BANP: variants seen among roughly 807,000 people sequenced by gnomAD.
BANP encodes the protein protein BANP.
In BANP, 11 loss-of-function variants were observed where a neutral mutation model predicts 68.1. The ratio of observed to expected loss-of-function variants is 0.16; its 90% CI spans 0.10 to 0.27. The LOEUF (loss-of-function observed/expected upper bound fraction) is 0.27, where lower values mean the gene tolerates loss of function less well. Ranked by LOEUF, BANP falls within the 10% of genes least tolerant of loss-of-function variation. BANP has a pLI of 1.00. For missense variants in BANP, 504 were observed against 722.7 expected, an observed-to-expected ratio of 0.70 and a Z score of 3.47; for synonymous variants, 329 against 303.2, an observed-to-expected ratio of 1.09 and a Z score of -0.88.
chr16:87,951,182 C>A (rs1165114382), upstream of BANP, among the ~76,000 whole-genome samples: 1 of 152,222 alleles, frequency 6.6e-6, no homozygotes, highest in Non-Finnish European at 1.5e-5. Flanking sequence ...TTCCTCAGAC[C>A]GTCCACTGAG....
intron 11 of BANP, among the ~76,000 whole-genome samples, chr16:88,046,666 C>G (rs1305618742): frequency 6.6e-6 from 1 of 152,044 alleles, no homozygotes; most frequent in African/African-American, 2.4e-5. Context: ...CTGCCTCAGC[C>G]TCCTGAGTCG....
At chr16:88,041,822 C>A (rs1176360090) in intron 11 of BANP, among the ~76,000 whole-genome samples, 1 of 152,248 alleles carries the variant, frequency 6.6e-6, no homozygotes, top group Admixed American at 6.5e-5. Flanking sequence ...AGGTGCTCTG[C>A]AGGTGAGTGT....
intron 1 of BANP, among the ~76,000 whole-genome samples, chr16:87,965,190 G>A (rs904524938): frequency 1.3e-5 from 2 of 152,172 alleles, no homozygotes; most frequent in Non-Finnish European, 2.9e-5. Flanking sequence ...GGAGGACAGC[G>A]TGGGGAGGAG....
At chr16:88,067,539 T>G (rs1023120491) in intron 12 of BANP, among the ~76,000 whole-genome samples, 1 of 152,092 alleles carries the variant, frequency 6.6e-6, no homozygotes, top group Admixed American at 6.5e-5. Flanking sequence ...CAAACCTGAT[T>G]TGAGATACTT....
chr16:87,974,690 C>T (rs2061699091), intron 1 of BANP, among the ~76,000 whole-genome samples: 1 of 151,992 alleles, frequency 6.6e-6, no homozygotes, highest in African/African-American at 2.4e-5. Flanking sequence ...CAGGAAGCGA[C>T]AGAGCGTTTG....
chr16:88,015,433 C>T (rs540127079), intron 6 of BANP, among the ~76,000 whole-genome samples: 4 of 152,244 alleles, frequency 2.6e-5, no homozygotes, highest in Non-Finnish European at 5.9e-5. Context: ...CTGCTTGGTT[C>T]TCCACCCTCT....
chr16:87,964,379 G>A (rs1458487672), intron 1 of BANP, among the ~76,000 whole-genome samples: 1 of 152,254 alleles, frequency 6.6e-6, no homozygotes, highest in Non-Finnish European at 1.5e-5. Flanking sequence ...CAGATGTGTA[G>A]TAAGTCAGAC....
rs192040324 is a variant in BANP, at chr16:88,021,607, C to T, written c.895+2940C>T. Among the ~76,000 whole-genome samples the T allele has an allele frequency of 3.2e-4, 49 of 152,334 alleles. 1 individual carries two copies. In the East Asian group the frequency reaches 5.8e-3, roughly 18 times the overall value. Reference sequence around the variant, plus strand: ...TGAAACGTAAAAAGCATGGCTTTACCTTTTCTTCCTGTGGCCCAGTTTCAT... The same window carrying T: ...TGAAACGTAAAAAGCATGGCTTTACTTTTTCTTCCTGTGGCCCAGTTTCAT... On this transcript the variant is annotated intron_variant, in intron 7 of 13. Coordinates refer to ENST00000682872, the MANE Select transcript of BANP (RefSeq NM_001386991.1).
chr16:87,985,673 A>T lies in BANP; in HGVS notation c.362+1414A>T, dbSNP rs536648912. 2.0e-5 allele frequency among the ~76,000 whole-genome samples: 3 copies of T among 152,346 alleles called. No individual in the cohort carries two copies. The East Asian group carries it at 5.8e-4, about 29-fold the overall frequency. ...GTGTAATAAGACAACACATTTCAAC[A>T]TGATGATGGTTGGCTGTGAAAAAGC... On this transcript the variant is annotated intron_variant, in intron 4 of 13. Transcript: ENST00000682872.
In BANP at chr16:88,018,271, T is replaced by C. The variant is rs545959742; in HGVS notation, c.656-157T>C. Among the ~76,000 whole-genome samples the C allele has an allele frequency of 6.6e-6, 1 of 152,056 alleles. No homozygotes were observed. Among genetic ancestry groups the C allele is most frequent in the Admixed American group, 6.5e-5 (1 of 15,284 alleles). Reference sequence around the variant, plus strand: ...TCTTTCTTGGGCAGCAGTCGGAGGCTCCAGCGCTCTTGGTGACTGCCTCAC... The same window carrying C: ...TCTTTCTTGGGCAGCAGTCGGAGGCCCCAGCGCTCTTGGTGACTGCCTCAC... On this transcript the variant is annotated intron_variant, in intron 6 of 13. Coordinates refer to ENST00000682872, the MANE Select transcript of BANP (RefSeq NM_001386991.1). The surrounding 1 kb of genome is among the most constrained non-coding windows in gnomAD (Gnocchi z 7.7).
intron 11 of BANP, among the ~76,000 whole-genome samples, chr16:88,056,198 G>GA (rs2084961104): frequency 6.6e-6 from 1 of 152,252 alleles, no homozygotes; most frequent in African/African-American, 2.4e-5. Context: ...AGAGTGTTCT[G>GA]AGAGTGTGGA....
intron 11 of BANP, among the ~76,000 whole-genome samples, chr16:88,042,070 C>T (rs573184131): frequency 9.8e-5 from 15 of 152,312 alleles, no homozygotes; most frequent in African/African-American, 3.1e-4. Context: ...CTCAGGACAG[C>T]GAATGGCACA....
chr16:87,998,045 T>A (rs964964109), intron 4 of BANP, among the ~76,000 whole-genome samples: 16 of 152,152 alleles, frequency 1.1e-4, no homozygotes, highest in African/African-American at 3.9e-4. Context: ...GTCTTTGCTT[T>A]CGGCACGCAG....
At chr16:88,032,792 A>T (rs1305817496) in intron 8 of BANP, among the ~76,000 whole-genome samples, 1 of 152,250 alleles carries the variant, frequency 6.6e-6, no homozygotes, top group East Asian at 1.9e-4. Flanking sequence ...AAATATTGCC[A>T]GCCTGAAACA....
At chr16:88,061,330 T>TC (rs1385174005) in intron 11 of BANP, among the ~76,000 whole-genome samples, 1 of 152,242 alleles carries the variant, frequency 6.6e-6, no homozygotes, top group East Asian at 1.9e-4. Flanking sequence ...AGGACGATTG[T>TC]CTAAAACGTT....
chr16:88,034,187 A>G (rs2152746297), intron 9 of BANP, among the ~76,000 whole-genome samples: 1 of 152,308 alleles, frequency 6.6e-6, no homozygotes, highest in Middle Eastern at 3.4e-3. Flanking sequence ...TCCTCTTCCA[A>G]AGGAGATGAG....
At chr16:88,030,144 A>G (rs1189946179) in intron 8 of BANP, among the ~76,000 whole-genome samples, 1 of 152,246 alleles carries the variant, frequency 6.6e-6, no homozygotes, top group African/African-American at 2.4e-5. Flanking sequence ...ACACTTTTAA[A>G]AGAAAGACAA....
At position 88,012,327 on chromosome 16, in the gene BANP, G is replaced by GAGTA. The variant is rs2073370714; in HGVS notation, c.655+6065_655+6068dup. Among the ~76,000 whole-genome samples the GAGTA allele has an allele frequency of 2.0e-5, 3 of 152,212 alleles. No homozygotes were observed. The South Asian group carries it at 6.2e-4, about 32-fold the overall frequency. ...TGCTTTTGAAATTCATAAACAGCTT[G>GAGTA]AGTAAGCCTTTGCAAAAGCCAGATG... On this transcript the variant is annotated intron_variant, in intron 6 of 13. Coordinates refer to ENST00000682872, the MANE Select transcript of BANP (RefSeq NM_001386991.1).
chr16:87,952,000 G>T (rs958699688), intron 1 of BANP, among the ~76,000 whole-genome samples: 6 of 145,526 alleles, frequency 4.1e-5, no homozygotes, highest in Non-Finnish European at 9.0e-5. Context: ...GAGCCCCATA[G>T]CCCAGGACTT....
Sources: allele counts gnomAD v4.1 joint callset (sites outside exome capture counted in the v4.1 genomes callset), GRCh38; gene constraint gnomAD v4.1.1; non-coding constraint Gnocchi (gnomAD v3.1); transcripts MANE v1.5; gene names NCBI Gene and HGNC (gene_info 2026-07-23, HGNC 2026-07-21).